The following TRDN variants were observed in gnomAD, a reference collection of about 807,000 sequenced individuals.
TRDN encodes the protein triadin.
A neutral mutation model predicts 149.7 loss-of-function variants in TRDN; 161 were observed. The ratio of observed to expected loss-of-function variants is 1.08; its 90% CI spans 0.95 to 1.23. The LOEUF is 1.23. Ranked by LOEUF, TRDN falls within the 50% of genes most tolerant of loss-of-function variation. The pLI, the probability that TRDN is intolerant of heterozygous loss-of-function variation, is 0.00. For synonymous variants in TRDN, 294 were observed against 250.5 expected, an observed-to-expected ratio of 1.17 and a Z score of -1.64; for missense variants, 896 against 823.5, an observed-to-expected ratio of 1.09 and a Z score of -1.08.
intron 6 of TRDN, among the ~76,000 whole-genome samples, chr6:123,514,061 A>G (rs1779306314): frequency 1.3e-5 from 2 of 152,174 alleles, no homozygotes; most frequent in African/African-American, 4.8e-5. Flanking sequence ...AGTTAAATTT[A>G]AAATGTGAAA....
chr6:123,548,761 G>A (rs7749215), intron 2 of TRDN, 149 bp from the exon 3 acceptor site: 70 of 677,514 alleles, frequency 1.0e-4, no homozygotes, highest in Admixed American at 5.1e-4. Flanking sequence ...AATTTTTTGC[G>A]CAGAAATAGA....
rs1239978373 is a variant in TRDN, at chr6:123,331,922, A to T, written c.1428T>A (p.Ile476=). 1 of 1,544,508 alleles carries T rather than the reference A, an allele frequency of 6.5e-7. No homozygotes were observed. The highest frequency in any genetic ancestry group is 1.4e-5 in the African/African-American group (1 of 73,458). ...TSSILKDKEP[I]KGKEEKVPAS... is the part of the protein sequence containing the mutation. ...CTGGAACTTTCTCTTCTTTCCCTTT[A>T]ATAGGTTCTGAAAAGAAACATCGGA... is the stretch of plus-strand genomic sequence containing the variant. The change falls in exon 23 of 41, where the codon ATT becomes ATA. Residue 476 remains isoleucine, a synonymous_variant. Coordinates refer to ENST00000334268, the MANE Select transcript of TRDN (RefSeq NM_006073.4).
At chr6:123,416,157 C>T (rs1473507165) in intron 12 of TRDN, among the ~76,000 whole-genome samples, 1 of 152,110 alleles carries the variant, frequency 6.6e-6, no homozygotes, top group African/African-American at 2.4e-5. Context: ...ATTTTCCAGC[C>T]AACAAAACAC....
chr6:123,497,139 A>G (rs963329067), intron 9 of TRDN, 54 bp downstream of exon 9: 9 of 1,391,108 alleles, frequency 6.5e-6, no homozygotes, highest in Admixed American at 5.9e-5. Context: ...AAAGCCCACA[A>G]TCTTAGAAAC....
chr6:123,499,129 T>C (rs1778572787), intron 8 of TRDN, among the ~76,000 whole-genome samples: 1 of 152,206 alleles, frequency 6.6e-6, no homozygotes, highest in Admixed American at 6.5e-5. Context: ...AGAGGCACTA[T>C]AGACTCCCAT....
intron 23 of TRDN, among the ~76,000 whole-genome samples, chr6:123,317,775 A>G (rs1472382615): frequency 6.6e-6 from 1 of 151,946 alleles, no homozygotes; most frequent in East Asian, 1.9e-4. Context: ...GAAATATCTG[A>G]TATGTGGTAT....
chr6:123,502,651 T>G, intron 8 of TRDN: 1 of 984,492 alleles, frequency 1.0e-6, no homozygotes, highest in Non-Finnish European at 1.2e-6. Context: ...TGAGGAAAAA[T>G]TAATTTCAGT....
intron 10 of TRDN, among the ~76,000 whole-genome samples, chr6:123,463,708 C>G (rs956518954): frequency 6.6e-6 from 1 of 151,340 alleles, no homozygotes; most frequent in Non-Finnish European, 1.5e-5. Context: ...TCTCTTAAGT[C>G]ATGTGAACTA....
chr6:123,240,554 CTT>C lies in TRDN; in HGVS notation c.1975+11856_1975+11857del, dbSNP rs1169338708. 4.0e-5 allele frequency among the ~76,000 whole-genome samples: 6 copies of C among 151,588 alleles called. No individual in the cohort carries two copies. The East Asian group carries it at 1.2e-3, about 29-fold the overall frequency. The stretch of plus-strand genomic sequence containing the variant: ...AATATTAACAAAGTAGTAAAAGAGA[CTT>C]AATAGTCATTTTAGTTTCAGCAATT... On this transcript the variant is annotated intron_variant, in intron 38 of 40. Coordinates refer to ENST00000334268, the MANE Select transcript of TRDN (RefSeq NM_006073.4).
rs999863830 is a variant in TRDN at position 123,582,313 on chromosome 6, G to A, written c.23-11181C>T. Among the ~76,000 whole-genome samples the A allele has an allele frequency of 1.3e-4, 20 of 152,194 alleles. 1 individual carries two copies. Among genetic ancestry groups the A allele is most frequent in the South Asian group, 1.2e-3 (6 of 4,826 alleles). On this transcript the variant is annotated intron_variant, in intron 1 of 40. Coordinates refer to ENST00000334268, the MANE Select transcript of TRDN (RefSeq NM_006073.4). ...AGAATCAATAGACAGGTGTGTCTGG[G>A]TTAAGATAAGGAGTTATGGATTTCA...
At chr6:123,382,009 TCTC>T in intron 15 of TRDN, 106 bp downstream of exon 15, 2 of 728,308 alleles carry the variant, frequency 2.7e-6, no homozygotes, top group Admixed American at 4.3e-5. Flanking sequence ...CATTTTTTCT[TCTC>T]CTCTATCCCA....
At chr6:123,408,784 A>G (rs778982690) in intron 12 of TRDN, among the ~76,000 whole-genome samples, 11 of 152,162 alleles carry the variant, frequency 7.2e-5, no homozygotes, top group Non-Finnish European at 1.2e-4. Flanking sequence ...ATTTACATGG[A>G]AGAGCATATC....
intron 7 of TRDN, among the ~76,000 whole-genome samples, chr6:123,507,015 G>A (rs972954131): frequency 1.3e-5 from 2 of 152,090 alleles, no homozygotes; most frequent in Admixed American, 1.3e-4. Flanking sequence ...AGAGAAAACA[G>A]AGGATAAATG....
At chr6:123,430,130 C>T (rs1774271292) in intron 12 of TRDN, among the ~76,000 whole-genome samples, 1 of 151,928 alleles carries the variant, frequency 6.6e-6, no homozygotes, top group African/African-American at 2.4e-5. Flanking sequence ...ATTAGCCAGG[C>T]ATGGTGGCAC....
intron 39 of TRDN, among the ~76,000 whole-genome samples, chr6:123,223,721 CTT>C (rs1775245567): frequency 6.9e-6 from 1 of 144,862 alleles, no homozygotes; most frequent in African/African-American, 2.7e-5. Context: ...TCCTTCCTTC[CTT>C]CCTTCCTTCC....
intron 2 of TRDN, among the ~76,000 whole-genome samples, chr6:123,555,002 T>C (rs1456902930): frequency 6.6e-6 from 1 of 152,160 alleles, no homozygotes; most frequent in Non-Finnish European, 1.5e-5. Flanking sequence ...ACAGTGAATT[T>C]AATAGTCTTC....
chr6:123,329,326 A>G (rs1779580615), intron 23 of TRDN, among the ~76,000 whole-genome samples: 1 of 152,174 alleles, frequency 6.6e-6, no homozygotes, highest in Non-Finnish European at 1.5e-5. Flanking sequence ...ATTGTGTATG[A>G]TATTGCCATA....
At position 123,218,479 on chromosome 6, in the gene TRDN, A is replaced by T. The variant is rs73543127; in HGVS notation, c.*122T>A. ...CCACCCTTTCCGTCCACACCAGGCC[A>T]AAGAGCAAAATGTTTTCACAGAAAT... On this transcript the variant is annotated 3_prime_UTR_variant, in exon 41 of 41. Transcript: ENST00000334268. 831 of 1,244,766 alleles carry T rather than the reference A, an allele frequency of 6.7e-4. 5 individuals carry two copies. The African/African-American group carries it at 0.011, about 16-fold the overall frequency. The allele number at this position is 1,244,766 out of a possible 1,614,324, so 77.1% of individuals were successfully genotyped here.
chr6:123,324,433 A>G (rs1260174189), intron 23 of TRDN, among the ~76,000 whole-genome samples: 2 of 152,130 alleles, frequency 1.3e-5, no homozygotes, highest in Non-Finnish European at 2.9e-5. Context: ...TGAGCAACAG[A>G]GCAAGACCTC....
Sources: gnomAD v4.1 joint callset for allele counts (sites outside exome capture counted in the v4.1 genomes callset) on GRCh38, gnomAD v4.1.1 for gene constraint, MANE v1.5 for transcripts, NCBI Gene and HGNC (gene_info 2026-07-23, HGNC 2026-07-21) for gene names.